The following MACROD2 variants were observed in gnomAD, a reference collection of about 807,000 sequenced individuals.
MACROD2 encodes the protein mono-ADP ribosylhydrolase 2, also known as ADP-ribose glycohydrolase MACROD2.
A neutral mutation model predicts 70.4 loss-of-function variants in MACROD2; 36 were observed. The ratio of observed to expected loss-of-function variants is 0.51; its 90% CI spans 0.39 to 0.68. The LOEUF (loss-of-function observed/expected upper bound fraction) is 0.68, where lower values mean the gene tolerates loss of function less well. Among genes scored for constraint, MACROD2 ranks in the 30% least tolerant of loss-of-function variants. MACROD2 has a pLI of 0.00. For missense variants in MACROD2, 496 were observed against 538.4 expected (o/e 0.92, Z 0.78); for synonymous variants, 172 against 178.8 (o/e 0.96, Z 0.30).
chr20:14,906,702 A>C (rs2073963779), intron 5 of MACROD2, among the ~76,000 whole-genome samples: 1 of 152,184 alleles, frequency 6.6e-6, no homozygotes, highest in South Asian at 2.1e-4. Flanking sequence ...CTAACGTCAC[A>C]AATTAGGTTC....
chr20:14,213,987 AT>A (rs1418570369), intron 3 of MACROD2, among the ~76,000 whole-genome samples: 2 of 152,100 alleles, frequency 1.3e-5, no homozygotes, highest in Admixed American at 6.6e-5. Context: ...ACTAATTGCT[AT>A]TTTGTGCACC....
intron 6 of MACROD2, among the ~76,000 whole-genome samples, chr20:15,316,093 T>G (rs1282511491): frequency 2.5e-5 from 3 of 122,178 alleles, no homozygotes; most frequent in East Asian, 4.4e-4. Context: ...GAAGTAATAA[T>G]GGCACACTAA....
intron 5 of MACROD2, among the ~76,000 whole-genome samples, chr20:14,832,198 A>G (rs553972806): frequency 4.6e-5 from 7 of 151,672 alleles, no homozygotes; most frequent in African/African-American, 7.3e-5. Flanking sequence ...GCCCGCCACC[A>G]TGGCCGGCTA....
intron 15 of MACROD2, among the ~76,000 whole-genome samples, chr20:16,022,464 T>G (rs1452232057): frequency 6.6e-6 from 1 of 152,174 alleles, no homozygotes; most frequent in Non-Finnish European, 1.5e-5. Context: ...CATTGTTGTT[T>G]TGGTGAAAAG....
chr20:15,556,799 G>C (rs1188641581), intron 8 of MACROD2, among the ~76,000 whole-genome samples: 1 of 152,172 alleles, frequency 6.6e-6, no homozygotes, highest in East Asian at 1.9e-4. Context: ...CCCTCACTGT[G>C]TTCTGACTTC....
chr20:14,896,639 T>A (rs2073833278), intron 5 of MACROD2, among the ~76,000 whole-genome samples: 1 of 147,368 alleles, frequency 6.8e-6, no homozygotes, highest in African/African-American at 2.5e-5. Flanking sequence ...TTCAGGTAGA[T>A]GAGTTTCCAT....
At chr20:14,836,376 C>G (rs749984851) in intron 5 of MACROD2, among the ~76,000 whole-genome samples, 7 of 151,952 alleles carry the variant, frequency 4.6e-5, no homozygotes, top group African/African-American at 7.2e-5. Flanking sequence ...CCAGTTTTAT[C>G]CATCACTAGG....
At chr20:14,735,849 A>C (rs923370751) in intron 5 of MACROD2, among the ~76,000 whole-genome samples, 1 of 152,088 alleles carries the variant, frequency 6.6e-6, no homozygotes, top group Admixed American at 6.6e-5. Context: ...ACTCGGACTC[A>C]AAATAAATAA....
chr20:15,001,972 C>T (rs1199353011), intron 5 of MACROD2, among the ~76,000 whole-genome samples: 25 of 150,212 alleles, frequency 1.7e-4, no homozygotes, highest in Admixed American at 5.3e-4. Context: ...CACACACACA[C>T]ATATACACAC....
chr20:15,350,682 T>C (rs1421252138), intron 6 of MACROD2, among the ~76,000 whole-genome samples: 2 of 152,176 alleles, frequency 1.3e-5, no homozygotes, highest in Non-Finnish European at 2.9e-5. Flanking sequence ...TTTAAATCTG[T>C]AGGTACCTAA....
rs533756980 is a variant in MACROD2, at chr20:15,446,521, C to T, written c.571+15086C>T. ...TCCCCCAATAAATCTTGTACATGAA[C>T]CCTCAGGAAGGTGCACATCCCGTGG... On this transcript the variant is annotated intron_variant, in intron 7 of 17. Coordinates refer to ENST00000684519, the MANE Select transcript of MACROD2 (RefSeq NM_001351661.2). Among the ~76,000 whole-genome samples the T allele has an allele frequency of 2.0e-5, 3 of 152,320 alleles. No individual in the cohort carries two copies. In the East Asian group the frequency reaches 5.8e-4, roughly 29 times the overall value.
chr20:15,872,062 G>C (rs886386557), intron 9 of MACROD2, among the ~76,000 whole-genome samples: 1 of 152,106 alleles, frequency 6.6e-6, no homozygotes, highest in Non-Finnish European at 1.5e-5. Context: ...TTTCCACTCC[G>C]TAATGCTTCT....
chr20:14,569,052 G>A (rs1317409495), intron 4 of MACROD2, among the ~76,000 whole-genome samples: 2 of 151,836 alleles, frequency 1.3e-5, no homozygotes, highest in African/African-American at 4.8e-5. Flanking sequence ...ATTCTGTTTT[G>A]CTTCAAAAAA....
rs540042007 is a variant in MACROD2, at chr20:15,285,889, G to T, written c.540+55828G>T. ...TAAGGTGTAGATTTCCATTTTTTGG[G>T]GGGGTTGCATTTATTCATACATATG... On this transcript the variant is annotated intron_variant, in intron 6 of 17. Transcript: ENST00000684519. Among the ~76,000 whole-genome samples the T allele has an allele frequency of 2.0e-5, 3 of 151,686 alleles. No individual in the cohort carries two copies. The South Asian group carries it at 6.3e-4, about 32-fold the overall frequency.
At chr20:15,670,960 A>G (rs1290112652) in intron 8 of MACROD2, among the ~76,000 whole-genome samples, 1 of 152,228 alleles carries the variant, frequency 6.6e-6, no homozygotes, top group East Asian at 1.9e-4. Flanking sequence ...TTTATGATAA[A>G]GAAAAATGTA....
intron 5 of MACROD2, among the ~76,000 whole-genome samples, chr20:14,900,410 G>A (rs1387057945): frequency 6.6e-6 from 1 of 152,074 alleles, no homozygotes; most frequent in African/African-American, 2.4e-5. Context: ...TTTAATAGTA[G>A]AATTCACCAG....
At chr20:14,991,688 A>C (rs1434167091) in intron 5 of MACROD2, among the ~76,000 whole-genome samples, 1 of 152,208 alleles carries the variant, frequency 6.6e-6, no homozygotes. Context: ...TCCCTTTCAA[A>C]ATAGATCTCA....
At position 15,417,798 on chromosome 20, in the gene MACROD2, A is replaced by G. The variant is rs138121606; in HGVS notation, c.541-13607A>G. On this transcript the variant is annotated intron_variant, in intron 6 of 17. Transcript: ENST00000684519. The stretch of plus-strand genomic sequence containing the variant: ...ATGCAGCTAAAGTTTGAGAAATACT[A>G]TAACGGAGGATATTTTTCTTCTGTT... Among the ~76,000 whole-genome samples, 898 of 152,164 alleles carry G rather than the reference A, an allele frequency of 5.9e-3. 4 individuals carry two copies. Among genetic ancestry groups the G allele is most frequent in the African/African-American group, 0.021 (855 of 41,502 alleles).
intron 6 of MACROD2, among the ~76,000 whole-genome samples, chr20:15,424,146 C>T (rs2046266744): frequency 6.6e-6 from 1 of 152,200 alleles, no homozygotes; most frequent in Non-Finnish European, 1.5e-5. Flanking sequence ...GGGACCAGAG[C>T]TTCACCACGT....
Sources: gnomAD v4.1 joint callset for allele counts (sites outside exome capture counted in the v4.1 genomes callset) on GRCh38, gnomAD v4.1.1 for gene constraint, MANE v1.5 for transcripts, NCBI Gene and HGNC (gene_info 2026-07-23, HGNC 2026-07-21) for gene names.